The following SFXN5 variants were observed in gnomAD, a reference collection of about 807,000 sequenced individuals.
The protein encoded by SFXN5 is sideroflexin 5.
SFXN5 carries 43 observed loss-of-function variants against 50.2 expected under a neutral mutation model. The observed-to-expected ratio is 0.86, with a 90% CI of 0.67 to 1.11. The LOEUF (loss-of-function observed/expected upper bound fraction) is 1.11. SFXN5 is among the 50% of genes least tolerant of loss of function. The pLI is 0.00. For synonymous variants in SFXN5, 203 were observed against 185.8 expected (o/e 1.09, Z -0.75); for missense variants, 463 against 454.1 (o/e 1.02, Z -0.18).
chr2:73,003,154 G>T (rs1299041690), intron 6 of SFXN5, among the ~76,000 whole-genome samples: 1 of 152,044 alleles, frequency 6.6e-6, no homozygotes, highest in Non-Finnish European at 1.5e-5. Flanking sequence ...TGGGACAGGG[G>T]GGTGGGTGAA....
intron 2 of SFXN5, among the ~76,000 whole-genome samples, chr2:73,046,771 C>A (rs2105952356): frequency 6.6e-6 from 1 of 152,270 alleles, no homozygotes; most frequent in Non-Finnish European, 1.5e-5. Flanking sequence ...AGGGTACTGA[C>A]AATGGGGATG....
At chr2:73,018,095 C>G (rs1477171441) in intron 6 of SFXN5, among the ~76,000 whole-genome samples, 3 of 152,058 alleles carry the variant, frequency 2.0e-5, no homozygotes, top group Non-Finnish European at 4.4e-5. Context: ...GTAGCCCTAG[C>G]TACTCGGGAG....
chr2:73,033,189 A>C (rs1678540195), intron 3 of SFXN5, among the ~76,000 whole-genome samples: 1 of 152,222 alleles, frequency 6.6e-6, no homozygotes, highest in Non-Finnish European at 1.5e-5. Context: ...AAAATTAATA[A>C]TTAATTTAAC....
Position 73,071,293 on chromosome 2 carries a change from G to C in SFXN5, c.102+311C>G, listed in dbSNP as rs1339107529. On this transcript the variant is annotated intron_variant, in intron 1 of 13. Transcript: ENST00000272433. ...CGACCCTGAGCAGCCGCTCGAAGCC[G>C]GGCGCTCGGGACCTTGACCGCAGCC... 4 of 382,962 alleles carry C rather than the reference G, an allele frequency of 1.0e-5. 1 individual carries two copies. Among genetic ancestry groups the C allele is most frequent in the South Asian group, 6.5e-5 (2 of 30,934 alleles). 23.7% of individuals were successfully genotyped at this position (382,962 alleles called of 1,614,324 possible).
At chr2:73,030,623 C>T (rs533282983) in intron 3 of SFXN5, among the ~76,000 whole-genome samples, 111 of 152,190 alleles carry the variant, frequency 7.3e-4, no homozygotes, top group African/African-American at 2.6e-3. Context: ...CTGAAACTCT[C>T]TACCCATTAA....
Position 73,033,757 on chromosome 2 carries a change from G to A in SFXN5, c.249+7097C>T, listed in dbSNP as rs1678601634. 4.6e-5 allele frequency among the ~76,000 whole-genome samples: 7 copies of A among 152,314 alleles called. No homozygotes were observed. The South Asian group carries it at 1.5e-3, about 32-fold the overall frequency. On this transcript the variant is annotated intron_variant, in intron 3 of 13. Transcript: ENST00000272433. ...TTAAGGACTATGGCTTTTACTCTAAGTGCAAAAGAGGAACACTATAGTTTC... is the reference window on the plus strand; with the variant it reads ...TTAAGGACTATGGCTTTTACTCTAAATGCAAAAGAGGAACACTATAGTTTC...
chr2:73,040,821 C>T (rs1286098444), intron 3 of SFXN5, 33 bp downstream of exon 3: 1 of 1,562,706 alleles, frequency 6.4e-7, no homozygotes, highest in East Asian at 2.3e-5. Flanking sequence ...TTCCCTTCCC[C>T]ACTGGCCATG....
At chr2:72,972,814 A>G (rs1474042502) in intron 10 of SFXN5, among the ~76,000 whole-genome samples, 1 of 152,174 alleles carries the variant, frequency 6.6e-6, no homozygotes, top group African/African-American at 2.4e-5. Context: ...TTGTATAATG[A>G]GTGTTTAATT....
At chr2:73,018,559 A>G (rs1171234896) in intron 6 of SFXN5, among the ~76,000 whole-genome samples, 2 of 152,250 alleles carry the variant, frequency 1.3e-5, no homozygotes, top group Non-Finnish European at 2.9e-5. Flanking sequence ...GATGCCAACT[A>G]ATTAACATAG....
At chr2:73,049,051 T>G (rs1384437928) in intron 2 of SFXN5, 1 of 152,256 alleles carries the variant, frequency 6.6e-6, no homozygotes, top group African/African-American at 2.4e-5. Context: ...ATTCACATTT[T>G]TAGTATTACT....
chr2:72,999,652 G>A (rs942365302), intron 8 of SFXN5, among the ~76,000 whole-genome samples: 5 of 151,960 alleles, frequency 3.3e-5, no homozygotes, highest in Non-Finnish European at 7.4e-5. Context: ...GACTTGGGGT[G>A]GAGGTTTAGA....
intron 2 of SFXN5, among the ~76,000 whole-genome samples, chr2:73,051,618 C>T (rs1161068028): frequency 6.6e-6 from 1 of 152,156 alleles, no homozygotes; most frequent in African/African-American, 2.4e-5. Context: ...GAGCTGCTTC[C>T]ACATTTTTAG....
chr2:73,063,954 G>C (rs922377976), intron 1 of SFXN5, among the ~76,000 whole-genome samples: 8 of 152,184 alleles, frequency 5.3e-5, no homozygotes, highest in African/African-American at 1.9e-4. Flanking sequence ...ACAATCGGTG[G>C]ATGTTTTTCC....
chr2:72,948,671 G>A (rs916168991), intron 13 of SFXN5, among the ~76,000 whole-genome samples: 12 of 152,202 alleles, frequency 7.9e-5, no homozygotes, highest in Admixed American at 1.3e-4. Context: ...TCCTCCTCCT[G>A]GCACCCCGTC....
At position 72,992,464 on chromosome 2, in the gene SFXN5, CCT is replaced by C. The variant is rs1186480156; in HGVS notation, c.535-4118_535-4117del. On this transcript the variant is annotated intron_variant, in intron 9 of 13. Coordinates refer to ENST00000272433, the MANE Select transcript of SFXN5 (RefSeq NM_144579.3). The surrounding 1 kb of genome is among the most constrained non-coding windows in gnomAD (Gnocchi z 4.5). ...CTGAATATCCATTGCCTGGAGGATG[CCT>C]CTGTGTCCAAGGGCTCTAGGCACTC... is the stretch of plus-strand genomic sequence containing the variant. 3.9e-5 allele frequency among the ~76,000 whole-genome samples: 6 copies of C among 152,162 alleles called. No homozygotes were observed. The highest frequency in any genetic ancestry group is 9.7e-5 in the African/African-American group (4 of 41,442).
In SFXN5 at chr2:73,023,220, A is replaced by AG. The variant is rs1677124956; in HGVS notation, c.250-7dup. 1 of 1,599,258 alleles carries AG rather than the reference A, an allele frequency of 6.3e-7. No individual in the cohort carries two copies. Among genetic ancestry groups the AG allele is most frequent in the Admixed American group, 1.7e-5 (1 of 58,636 alleles). Reference sequence around the variant, plus strand: ...ATTTTCTGTGCACTCCAGAGCTGGAAGAGAGATAAAGGAAAAGAAAATAAA... The same window carrying AG: ...ATTTTCTGTGCACTCCAGAGCTGGAAGGAGAGATAAAGGAAAAGAAAATAAA... On this transcript the variant is annotated splice_region_variant and splice_polypyrimidine_tract_variant and intron_variant, in intron 3 of 13. Coordinates refer to ENST00000272433, the MANE Select transcript of SFXN5 (RefSeq NM_144579.3).
intron 12 of SFXN5, among the ~76,000 whole-genome samples, chr2:72,965,232 C>T (rs2105410012): frequency 6.6e-6 from 1 of 152,286 alleles, no homozygotes; most frequent in Non-Finnish European, 1.5e-5. Context: ...CGGCAGGCCA[C>T]CCACGGGCAG....
intron 13 of SFXN5, among the ~76,000 whole-genome samples, chr2:72,956,682 A>G (rs1673125432): frequency 6.6e-6 from 1 of 152,082 alleles, no homozygotes; most frequent in Non-Finnish European, 1.5e-5. Flanking sequence ...AATTCTCAGG[A>G]TCCAGGCCCC....
chr2:72,950,260 G>A lies in SFXN5; in HGVS notation c.946-5161C>T, dbSNP rs1345284322. On this transcript the variant is annotated intron_variant, in intron 13 of 13. Transcript: ENST00000272433. This position sits in a 1 kb window ranked among gnomAD's most constrained non-coding sequence, Gnocchi z 4.2. ...CCACAAACACTGAGCAGCCATGAGC[G>A]TCAGAGAGAGTTTTCTGAGAGTTGT... is the stretch of plus-strand genomic sequence containing the variant. Among the ~76,000 whole-genome samples the A allele has an allele frequency of 6.6e-5, 10 of 152,036 alleles. No homozygotes were observed. Among genetic ancestry groups the A allele is most frequent in the Admixed American group, 2.0e-4 (3 of 15,278 alleles).
Sources: allele counts gnomAD v4.1 joint callset (sites outside exome capture counted in the v4.1 genomes callset), GRCh38; gene constraint gnomAD v4.1.1; non-coding constraint Gnocchi (gnomAD v3.1); transcripts MANE v1.5; gene names NCBI Gene and HGNC (gene_info 2026-07-23, HGNC 2026-07-21).